The following SUGCT variants were observed in gnomAD, a reference collection of about 807,000 sequenced individuals.
SUGCT encodes succinyl-CoA:glutarate-CoA transferase.
A neutral mutation model predicts 55.0 loss-of-function variants in SUGCT; 41 were observed. The ratio of observed to expected loss-of-function variants is 0.74; its 90% CI spans 0.58 to 0.97. SUGCT has a LOEUF of 0.97. Among genes scored for constraint, SUGCT ranks in the 50% least tolerant of loss-of-function variants. The pLI is 0.00. For synonymous variants in SUGCT, 187 were observed against 200.4 expected (o/e 0.93, Z 0.56); for missense variants, 568 against 547.8 (o/e 1.04, Z -0.37).
In SUGCT at chr7:40,140,688, C is replaced by T. The variant is rs542716533; in HGVS notation, c.100+5568C>T. Among the ~76,000 whole-genome samples the T allele has an allele frequency of 2.0e-3, 308 of 151,842 alleles. 4 individuals are homozygous for T. Among genetic ancestry groups the T allele is most frequent in the African/African-American group, 7.1e-3 (293 of 41,390 alleles). The stretch of plus-strand genomic sequence containing the variant: ...TGCTGGGATTACAGGCATGAGGCAC[C>T]GCACCTGGCCCTATGTGTCTGTTTT... On this transcript the variant is annotated intron_variant, in intron 1 of 13. Transcript: ENST00000335693.
the SUGCT span, among the ~76,000 whole-genome samples, chr7:41,016,947 T>C: frequency 6.6e-6 from 1 of 152,046 alleles, no homozygotes; most frequent in African/African-American, 2.4e-5. Flanking sequence ...ATACAAGGAG[T>C]TTTTGGATTC....
chr7:40,631,864 G>A (rs1182515690), intron 12 of SUGCT, among the ~76,000 whole-genome samples: 3 of 152,156 alleles, frequency 2.0e-5, no homozygotes, highest in African/African-American at 7.2e-5. Context: ...TTTTCTTCTA[G>A]GAAAATAGAG....
At chr7:40,168,424 A>G (rs1784519986) in intron 1 of SUGCT, among the ~76,000 whole-genome samples, 2 of 152,168 alleles carry the variant, frequency 1.3e-5, no homozygotes, top group African/African-American at 4.8e-5. Context: ...CATGAACTGC[A>G]TCTGGGGCTC....
chr7:40,377,199 T>TTC (rs1562728668), intron 9 of SUGCT, among the ~76,000 whole-genome samples: 20 of 8,494 alleles, frequency 2.4e-3, no homozygotes, highest in Non-Finnish European at 2.4e-3. Context: ...TCTTTCTTTC[T>TTC]TTTCTTTTCT....
the SUGCT span, among the ~76,000 whole-genome samples, chr7:40,879,270 T>TA: frequency 6.6e-6 from 1 of 152,240 alleles, no homozygotes; most frequent in Non-Finnish European, 1.5e-5. Context: ...TATATAAAGT[T>TA]AGAGATAATA....
At chr7:40,654,514 A>G (rs900501563) in intron 12 of SUGCT, among the ~76,000 whole-genome samples, 6 of 152,342 alleles carry the variant, frequency 3.9e-5, no homozygotes, top group East Asian at 1.9e-4. Context: ...TATTATTCAC[A>G]TAGCTAGAAT....
chr7:40,981,340 T>G, the SUGCT span, among the ~76,000 whole-genome samples: 1 of 152,162 alleles, frequency 6.6e-6, no homozygotes, highest in Non-Finnish European at 1.5e-5. Context: ...ACTTGGTGCA[T>G]TTTGTTGTGT....
At chr7:40,181,866 C>T (rs1192573385) in intron 2 of SUGCT, 89 bp from the exon 3 acceptor site, 8 of 781,216 alleles carry the variant, frequency 1.0e-5, no homozygotes, top group African/African-American at 5.2e-5. Flanking sequence ...ATTATATGAG[C>T]GTGTCTGTGT....
intron 9 of SUGCT, among the ~76,000 whole-genome samples, chr7:40,398,865 T>A (rs539564146): frequency 6.6e-6 from 1 of 152,342 alleles, no homozygotes; most frequent in African/African-American, 2.4e-5. Flanking sequence ...GGGGCATAGA[T>A]AAAAGTGATT....
At chr7:40,264,463 A>G (rs1791426981) in intron 7 of SUGCT, among the ~76,000 whole-genome samples, 1 of 152,154 alleles carries the variant, frequency 6.6e-6, no homozygotes, top group African/African-American at 2.4e-5. Context: ...TTTGGAACAG[A>G]AGGTTCAGAT....
chr7:40,318,740 C>T (rs1430086098), intron 9 of SUGCT, among the ~76,000 whole-genome samples: 12 of 152,296 alleles, frequency 7.9e-5, no homozygotes, highest in East Asian at 1.9e-4. Context: ...CCTGGCCTGG[C>T]CTTCAGCCTT....
the SUGCT span, among the ~76,000 whole-genome samples, chr7:40,964,099 A>C: frequency 6.6e-6 from 1 of 152,254 alleles, no homozygotes; most frequent in South Asian, 2.1e-4. Context: ...TAATGAAGAT[A>C]TCAAAATGTC....
rs554675188 is a variant in SUGCT at position 40,710,049 on chromosome 7, A to C, written c.1090-39385A>C. ...TGGAAGCAACATAGATCTTTACTGA[A>C]ATTTTCTTGAGGAAAGGACAGGGCT... On this transcript the variant is annotated intron_variant, in intron 12 of 13. Coordinates refer to ENST00000335693, the MANE Select transcript of SUGCT (RefSeq NM_001193313.2). 1.6e-4 allele frequency among the ~76,000 whole-genome samples: 24 copies of C among 152,260 alleles called. 1 individual carries two copies. In the South Asian group the frequency reaches 4.8e-3, roughly 30 times the overall value.
At chr7:40,684,276 A>G (rs539420709) in intron 12 of SUGCT, 2 of 1,242,096 alleles carry the variant, frequency 1.6e-6, no homozygotes, top group Non-Finnish European at 2.1e-6. Context: ...GGATTAGGAC[A>G]TAGCATCTTT....
intron 8 of SUGCT, among the ~76,000 whole-genome samples, chr7:40,288,942 T>C (rs1231245553): frequency 2.0e-5 from 3 of 152,272 alleles, no homozygotes; most frequent in Non-Finnish European, 2.9e-5. Context: ...CACAGAAGAA[T>C]GGGCTGATGC....
At chr7:40,456,296 G>A (rs1789483776) in intron 10 of SUGCT, among the ~76,000 whole-genome samples, 1 of 152,078 alleles carries the variant, frequency 6.6e-6, no homozygotes, top group Admixed American at 6.6e-5. Flanking sequence ...AAAAGTGCTG[G>A]GATTATAGGC....
intron 1 of SUGCT, among the ~76,000 whole-genome samples, chr7:40,150,015 C>T (rs1026778488): frequency 9.9e-5 from 15 of 152,130 alleles, no homozygotes; most frequent in Non-Finnish European, 1.9e-4. Flanking sequence ...ATGGCTTGAA[C>T]CCGAGAGGCG....
chr7:40,770,122 G>T (rs1212927922), intron 13 of SUGCT, among the ~76,000 whole-genome samples: 4 of 152,066 alleles, frequency 2.6e-5, no homozygotes, highest in Non-Finnish European at 5.9e-5. Flanking sequence ...TGCTGAACTT[G>T]TCAAGTTTCT....
chr7:40,460,448 T>C (rs1013484634), intron 11 of SUGCT, among the ~76,000 whole-genome samples: 1 of 152,216 alleles, frequency 6.6e-6, no homozygotes, highest in Non-Finnish European at 1.5e-5. Flanking sequence ...TTATTTCTTC[T>C]TTTTGCCTCT....
Sources: allele counts gnomAD v4.1 joint callset (sites outside exome capture counted in the v4.1 genomes callset), GRCh38; gene constraint gnomAD v4.1.1; transcripts MANE v1.5; gene names NCBI Gene and HGNC (gene_info 2026-07-23, HGNC 2026-07-21).